The following LRRC4C variants were observed in gnomAD, a reference collection of about 807,000 sequenced individuals.
The protein encoded by LRRC4C is leucine rich repeat containing 4C, also known as leucine-rich repeat-containing protein 4C.
A neutral mutation model predicts 33.6 loss-of-function variants in LRRC4C; 5 were observed. The ratio of observed to expected loss-of-function variants is 0.15; its 90% confidence interval spans 0.08 to 0.31. The LOEUF is 0.31. Ranked by LOEUF, LRRC4C falls within the 10% of genes least tolerant of loss-of-function variation. The pLI is 1.00. For missense variants in LRRC4C, 560 were observed against 796.7 expected (o/e 0.70, Z 3.58); for synonymous variants, 329 against 302.0 (o/e 1.09, Z -0.93).
chr11:40,307,844 C>G (rs1231488153), intron 4 of LRRC4C, among the ~76,000 whole-genome samples: 1 of 152,176 alleles, frequency 6.6e-6, no homozygotes, highest in East Asian at 1.9e-4. Context: ...AAACTTATCT[C>G]CAGATGCTTG....
At chr11:40,611,972 C>A (rs1440930255) in intron 3 of LRRC4C, among the ~76,000 whole-genome samples, 3 of 151,780 alleles carry the variant, frequency 2.0e-5, no homozygotes, top group African/African-American at 7.2e-5. Flanking sequence ...CTGTCTGAAA[C>A]AGTCTGGGTC....
intron 1 of LRRC4C, among the ~76,000 whole-genome samples, chr11:41,017,304 C>A (rs113833023): frequency 0.015 from 2,238 of 152,206 alleles, 62 homozygotes; most frequent in African/African-American, 0.052. Context: ...CTGTTATATT[C>A]ATTTGATTAG....
At chr11:41,219,957 C>G (rs1034646940) in intron 1 of LRRC4C, among the ~76,000 whole-genome samples, 3 of 152,144 alleles carry the variant, frequency 2.0e-5, no homozygotes, top group Non-Finnish European at 4.4e-5. Context: ...TAAGACAGAA[C>G]AGGCATCATA....
At chr11:40,430,812 T>C (rs566505574) in intron 3 of LRRC4C, among the ~76,000 whole-genome samples, 7 of 151,386 alleles carry the variant, frequency 4.6e-5, no homozygotes, top group African/African-American at 9.7e-5. Flanking sequence ...ATGGATGAAA[T>C]TGGAAATCAT....
At chr11:40,940,101 C>A (rs971224549) in intron 1 of LRRC4C, among the ~76,000 whole-genome samples, 2 of 152,008 alleles carry the variant, frequency 1.3e-5, no homozygotes, top group Non-Finnish European at 2.9e-5. Flanking sequence ...CATATAATAC[C>A]TGCTGTTACT....
intron 3 of LRRC4C, among the ~76,000 whole-genome samples, chr11:40,423,226 G>A (rs1349936704): frequency 6.6e-6 from 1 of 151,710 alleles, no homozygotes; most frequent in African/African-American, 2.4e-5. Flanking sequence ...AAACTTAAAT[G>A]TGCATCATGT....
At chr11:40,923,496 C>A (rs1957279204) in intron 2 of LRRC4C, among the ~76,000 whole-genome samples, 1 of 152,106 alleles carries the variant, frequency 6.6e-6, no homozygotes, top group Admixed American at 6.5e-5. Flanking sequence ...AGTCAATGTG[C>A]AATTTTCCAT....
At chr11:40,157,854 T>C (rs145919420) in intron 5 of LRRC4C, among the ~76,000 whole-genome samples, 2,472 of 152,184 alleles carry the variant, frequency 0.016, 73 homozygotes, top group African/African-American at 0.056. Context: ...GTGTGGAGAT[T>C]CCTTAAAAAA....
intron 1 of LRRC4C, among the ~76,000 whole-genome samples, chr11:41,310,243 T>C (rs1002295296): frequency 6.6e-6 from 1 of 152,238 alleles, no homozygotes; most frequent in Non-Finnish European, 1.5e-5. Context: ...AATATTCTTT[T>C]CAAATCACAT....
chr11:40,537,801 T>G lies in LRRC4C; in HGVS notation c.-270+110341A>C, dbSNP rs756572376. ...AGGAAAGAAAAAAGGAAAGCTATTA[T>G]GTAAAACCCGCATGACCATTCCAAC... On this transcript the variant is annotated intron_variant, in intron 3 of 6. Coordinates refer to ENST00000528697, the MANE Select transcript of LRRC4C (RefSeq NM_001258419.2). Among the ~76,000 whole-genome samples the G allele has an allele frequency of 7.2e-5, 11 of 152,272 alleles. No homozygotes were observed. The Middle Eastern group carries it at 0.01, about 141-fold the overall frequency.
At chr11:40,885,078 A>G (rs1254595573) in intron 2 of LRRC4C, among the ~76,000 whole-genome samples, 1 of 152,020 alleles carries the variant, frequency 6.6e-6, no homozygotes, top group African/African-American at 2.4e-5. Flanking sequence ...AAACTTCATC[A>G]TTATGCATTG....
At chr11:40,382,123 ATTTTTTTTTTTTTTTTTTTTTT>A (rs77934711) in intron 3 of LRRC4C, among the ~76,000 whole-genome samples, 5 of 99,984 alleles carry the variant, frequency 5.0e-5, no homozygotes, top group South Asian at 3.3e-4. Context: ...TGCCCGGCTA[ATTTTTTTTTTTTTTTTTTTTTT>A]TTTTTTTTTT....
At chr11:40,495,873 A>G in intron 3 of LRRC4C, among the ~76,000 whole-genome samples, 1 of 113,848 alleles carries the variant, frequency 8.8e-6, no homozygotes, top group South Asian at 3.0e-4. Context: ...ATTATCGCCC[A>G]GGCTGGAGTG....
chr11:41,454,232 GC>G (rs1956112079), intron 1 of LRRC4C, among the ~76,000 whole-genome samples: 1 of 152,020 alleles, frequency 6.6e-6, no homozygotes. Flanking sequence ...TAAGAACAAG[GC>G]TTTTTACATC....
At chr11:40,724,198 A>G (rs1947173912) in intron 2 of LRRC4C, among the ~76,000 whole-genome samples, 1 of 152,164 alleles carries the variant, frequency 6.6e-6, no homozygotes, top group Non-Finnish European at 1.5e-5. Context: ...TAGACAGATC[A>G]CTGAGAAAGA....
chr11:41,438,316 G>T (rs772539040), intron 1 of LRRC4C, among the ~76,000 whole-genome samples: 1 of 151,634 alleles, frequency 6.6e-6, no homozygotes, highest in Admixed American at 6.6e-5. Flanking sequence ...AAAAGATCTC[G>T]GCTCTTAAAA....
At chr11:41,196,576 G>A (rs533287026) in intron 1 of LRRC4C, among the ~76,000 whole-genome samples, 2 of 152,152 alleles carry the variant, frequency 1.3e-5, no homozygotes, top group African/African-American at 4.8e-5. Context: ...ACTTATGAAA[G>A]ATATTAATTT....
intron 2 of LRRC4C, among the ~76,000 whole-genome samples, chr11:40,809,680 C>T (rs1951403669): frequency 6.6e-6 from 1 of 152,154 alleles, no homozygotes; most frequent in African/African-American, 2.4e-5. Flanking sequence ...ATTATGTTGA[C>T]ATGTTGCACG....
intron 1 of LRRC4C, among the ~76,000 whole-genome samples, chr11:41,048,956 T>C (rs355215): frequency 0.38 from 57,706 of 152,118 alleles, 11,160 homozygotes; most frequent in Admixed American, 0.44. Flanking sequence ...TGAAGCATTG[T>C]ATGCAGTGGG....
Sources: gnomAD v4.1 joint callset for allele counts (sites outside exome capture counted in the v4.1 genomes callset) on GRCh38, gnomAD v4.1.1 for gene constraint, MANE v1.5 for transcripts, NCBI Gene and HGNC (gene_info 2026-07-23, HGNC 2026-07-21) for gene names.